ZNF385B: variants seen among roughly 807,000 people sequenced by gnomAD.
The protein encoded by ZNF385B is zinc finger protein 533.
Under a neutral mutation model 39.2 loss-of-function variants are expected in ZNF385B, and 23 were observed. That is an observed-to-expected ratio of 0.59 (90% CI 0.42 to 0.83). The LOEUF is 0.83. Ranked by LOEUF, ZNF385B falls within the 40% of genes least tolerant of loss-of-function variation. The pLI, the probability that ZNF385B is intolerant of heterozygous loss-of-function variation, is 0.00. For missense variants in ZNF385B, 552 were observed against 598.9 expected, an observed-to-expected ratio of 0.92 and a Z score of 0.82; for synonymous variants, 205 against 222.6, an observed-to-expected ratio of 0.92 and a Z score of 0.70.
chr2:179,851,989 A>G (rs762854427), intron 1 of ZNF385B, among the ~76,000 whole-genome samples: 9 of 152,194 alleles, frequency 5.9e-5, no homozygotes, highest in Non-Finnish European at 8.8e-5. Flanking sequence ...AGATCTGAAA[A>G]CCTGTTAAAT....
intron 6 of ZNF385B, among the ~76,000 whole-genome samples, chr2:179,449,711 G>C (rs1229918633): frequency 6.6e-6 from 1 of 151,934 alleles, no homozygotes; most frequent in Admixed American, 6.6e-5. Flanking sequence ...CATCCCCATC[G>C]AGCTACCAAT....
intron 6 of ZNF385B, among the ~76,000 whole-genome samples, chr2:179,457,633 G>C (rs1386920275): frequency 6.6e-6 from 1 of 152,096 alleles, no homozygotes; most frequent in Non-Finnish European, 1.5e-5. Context: ...CCAATAGCTA[G>C]TGATAATGAG....
chr2:179,832,335 T>G, intron 1 of ZNF385B, among the ~76,000 whole-genome samples: 1 of 152,110 alleles, frequency 6.6e-6, no homozygotes, highest in East Asian at 1.9e-4. Flanking sequence ...TCTTCTAGGA[T>G]TTAGAAGGAA....
chr2:179,754,127 G>A (rs965793138), intron 3 of ZNF385B, among the ~76,000 whole-genome samples: 3 of 152,140 alleles, frequency 2.0e-5, no homozygotes, highest in African/African-American at 7.2e-5. Context: ...AATTTATTGA[G>A]AGTTTTTAGC....
intron 3 of ZNF385B, among the ~76,000 whole-genome samples, chr2:179,647,080 C>T (rs1692783008): frequency 6.6e-6 from 1 of 152,186 alleles, no homozygotes; most frequent in Non-Finnish European, 1.5e-5. Flanking sequence ...CCTCCCACAC[C>T]ATGTATTATC....
chr2:179,509,224 A>G (rs1189490063), intron 5 of ZNF385B, among the ~76,000 whole-genome samples: 1 of 152,138 alleles, frequency 6.6e-6, no homozygotes, highest in Admixed American at 6.5e-5. Context: ...CATTTAACCT[A>G]GTCTTTTCTT....
intron 3 of ZNF385B, among the ~76,000 whole-genome samples, chr2:179,622,971 C>T (rs1394738465): frequency 6.6e-6 from 1 of 152,174 alleles, no homozygotes; most frequent in African/African-American, 2.4e-5. Flanking sequence ...AAATCTCACA[C>T]ATTTAGATTC....
intron 1 of ZNF385B, among the ~76,000 whole-genome samples, chr2:179,783,123 C>T (rs556552464): frequency 6.6e-6 from 1 of 152,162 alleles, no homozygotes; most frequent in East Asian, 1.9e-4. Flanking sequence ...AGGACTGGTA[C>T]AAAAACAGGT....
At chr2:179,670,357 A>G (rs912116350) in intron 3 of ZNF385B, among the ~76,000 whole-genome samples, 1 of 152,022 alleles carries the variant, frequency 6.6e-6, no homozygotes, top group Non-Finnish European at 1.5e-5. Context: ...AGCTAACAGC[A>G]TGACATTATT....
intron 3 of ZNF385B, among the ~76,000 whole-genome samples, chr2:179,700,119 T>A (rs1021629930): frequency 4.0e-5 from 6 of 151,242 alleles, no homozygotes; most frequent in South Asian, 2.1e-4. Context: ...ACCATTTTCA[T>A]CAAAAAAGCC....
chr2:179,495,919 T>C (rs74482289), intron 5 of ZNF385B, among the ~76,000 whole-genome samples: 3 of 152,230 alleles, frequency 2.0e-5, no homozygotes, highest in African/African-American at 4.8e-5. Context: ...ACTACCTAAA[T>C]ACCTAACTCT....
chr2:179,637,451 G>A (rs1691863380), intron 3 of ZNF385B: 1 of 149,576 alleles, frequency 6.7e-6, no homozygotes, highest in Admixed American at 6.7e-5. Context: ...TACTGAGATA[G>A]AGAAAAACAA....
chr2:179,525,934 A>G (rs1171474171), intron 4 of ZNF385B, among the ~76,000 whole-genome samples: 1 of 152,212 alleles, frequency 6.6e-6, no homozygotes, highest in African/African-American at 2.4e-5. Context: ...AAACTTCAAT[A>G]GAAAGAAAAC....
intron 5 of ZNF385B, among the ~76,000 whole-genome samples, chr2:179,486,889 C>T (rs547944294): frequency 2.0e-5 from 3 of 151,938 alleles, no homozygotes; most frequent in Non-Finnish European, 4.4e-5. Context: ...GCACTCTGGC[C>T]CGGGCAACAG....
Position 179,747,438 on chromosome 2 carries a change from C to G in ZNF385B, c.298+22065G>C, listed in dbSNP as rs186482563. Among the ~76,000 whole-genome samples the G allele has an allele frequency of 5.9e-5, 9 of 152,158 alleles. No homozygotes were observed. The East Asian group carries it at 1.7e-3, about 29-fold the overall frequency. ...GAATTCTATTTGTCACCTGAAGCCC[C>G]TAGGGCAACATTTGAATGTATTATG... On this transcript the variant is annotated intron_variant, in intron 3 of 9. Coordinates refer to ENST00000410066, the MANE Select transcript of ZNF385B (RefSeq NM_152520.6).
intron 3 of ZNF385B, among the ~76,000 whole-genome samples, chr2:179,588,101 C>T (rs972003913): frequency 1.1e-4 from 16 of 151,870 alleles, no homozygotes; most frequent in Admixed American, 3.3e-4. Flanking sequence ...TATTTTTTTT[C>T]CCCCCAAGAC....
chr2:179,693,359 C>T (rs1698495680), intron 3 of ZNF385B, among the ~76,000 whole-genome samples: 1 of 152,162 alleles, frequency 6.6e-6, no homozygotes, highest in Non-Finnish European at 1.5e-5. Flanking sequence ...GGGGCAGAAA[C>T]ATGGCCACCA....
chr2:179,547,532 A>G (rs1465172892), intron 3 of ZNF385B, among the ~76,000 whole-genome samples: 4 of 149,218 alleles, frequency 2.7e-5, no homozygotes, highest in Non-Finnish European at 1.5e-5. Flanking sequence ...CTGTAGATGT[A>G]CAGCTTTATT....
At chr2:179,716,053 A>G (rs1700309998) in intron 3 of ZNF385B, among the ~76,000 whole-genome samples, 2 of 152,186 alleles carry the variant, frequency 1.3e-5, no homozygotes, top group Non-Finnish European at 2.9e-5. Flanking sequence ...CTAACACTCC[A>G]TCAATCCTAG....
Sources: gnomAD v4.1 joint callset for allele counts (sites outside exome capture counted in the v4.1 genomes callset) on GRCh38, gnomAD v4.1.1 for gene constraint, MANE v1.5 for transcripts, NCBI Gene and HGNC (gene_info 2026-07-23, HGNC 2026-07-21) for gene names.